The following FOXN1 variants were observed in gnomAD, a reference collection of about 807,000 sequenced individuals.
FOXN1 encodes the protein forkhead box N1, also known as forkhead box protein N1.
In FOXN1, 15 loss-of-function variants were observed where a neutral mutation model predicts 49.0. The observed-to-expected ratio is 0.31, with a 90% CI of 0.20 to 0.47. The LOEUF (loss-of-function observed/expected upper bound fraction) is 0.47, where lower values mean the gene tolerates loss of function less well. FOXN1 is among the 20% of genes least tolerant of loss of function. The pLI is 1.00. For missense variants in FOXN1, 800 were observed against 842.8 expected, an observed-to-expected ratio of 0.95 and a Z score of 0.63; for synonymous variants, 356 against 369.0, an observed-to-expected ratio of 0.96 and a Z score of 0.40.
At position 28,507,466 on chromosome 17, in the gene FOXN1, G is replaced by A. The variant is rs188295286; in HGVS notation, c.-15+1023G>A. On this transcript the variant is annotated intron_variant, in intron 1 of 8. Coordinates refer to ENST00000579795, the MANE Select transcript of FOXN1 (RefSeq NM_001369369.1). ...GTCAGTGGGAAGGGACCCGGGCGGAGGGGCTCATCTTGGGAAGTCATCCTA... is the reference window on the plus strand; with the variant it reads ...GTCAGTGGGAAGGGACCCGGGCGGAAGGGCTCATCTTGGGAAGTCATCCTA... Among the ~76,000 whole-genome samples the A allele has an allele frequency of 1.8e-3, 267 of 152,318 alleles. 2 individuals carry two copies. Among genetic ancestry groups the A allele is most frequent in the African/African-American group, 5.8e-3 (239 of 41,564 alleles).
intron 3 of FOXN1, among the ~76,000 whole-genome samples, chr17:28,525,847 C>T (rs1395928297): frequency 6.6e-6 from 1 of 152,124 alleles, no homozygotes; most frequent in Non-Finnish European, 1.5e-5. Context: ...TTTATTCTGG[C>T]CCTTTGACCA....
At chr17:28,511,004 A>T (rs2069384897) in intron 1 of FOXN1, among the ~76,000 whole-genome samples, 1 of 152,206 alleles carries the variant, frequency 6.6e-6, no homozygotes, top group Admixed American at 6.5e-5. Context: ...TTAGGTGCTG[A>T]GAGCTGCTTC....
intron 1 of FOXN1, among the ~76,000 whole-genome samples, chr17:28,520,210 G>C (rs994554788): frequency 1.3e-5 from 2 of 152,128 alleles, no homozygotes; most frequent in African/African-American, 4.8e-5. Flanking sequence ...GGGTTCTGCC[G>C]GCTACTCCAG....
intron 2 of FOXN1, 140 bp downstream of exon 2, chr17:28,524,232 AC>A: frequency 1.1e-6 from 1 of 877,522 alleles, no homozygotes; most frequent in Non-Finnish European, 1.7e-6. Flanking sequence ...GTCCTCAGGG[AC>A]CCCGAGATCC....
chr17:28,509,479 G>A (rs537086057), intron 1 of FOXN1, among the ~76,000 whole-genome samples: 8 of 152,270 alleles, frequency 5.3e-5, no homozygotes, highest in African/African-American at 1.9e-4. Context: ...AGGTTCCCTT[G>A]GAGTCTAACA....
chr17:28,531,802 A>G (rs1176526260), intron 6 of FOXN1, among the ~76,000 whole-genome samples: 1 of 152,094 alleles, frequency 6.6e-6, no homozygotes, highest in African/African-American at 2.4e-5. Flanking sequence ...TCCTGCCCCC[A>G]CCATCTATGG....
At chr17:28,515,555 C>A (rs777920865) in intron 1 of FOXN1, among the ~76,000 whole-genome samples, 4 of 151,680 alleles carry the variant, frequency 2.6e-5, no homozygotes, top group Non-Finnish European at 4.4e-5. Flanking sequence ...GTGGTACATG[C>A]TTCTACAGGG....
chr17:28,530,629 T>G, intron 5 of FOXN1, 120 bp from the exon 6 acceptor site: 2 of 723,920 alleles, frequency 2.8e-6, no homozygotes, highest in Non-Finnish European at 5.1e-6. Context: ...ATGGACACCT[T>G]CTCATTCCCT....
Position 28,535,007 on chromosome 17 carries a change from T to A in FOXN1, c.1436T>A (p.Leu479His). 1 of 1,613,830 alleles carries A rather than the reference T, an allele frequency of 6.2e-7. No homozygotes were observed. The highest frequency in any genetic ancestry group is 8.5e-7 in the Non-Finnish European group (1 of 1,179,896). The change falls in exon 8 of 9, where the codon CTT becomes CAT. Residue 479 changes from leucine (L) to histidine (H), a missense_variant. By Grantham distance (99) the Leu-to-His change is moderately conservative. Coordinates refer to ENST00000579795, the MANE Select transcript of FOXN1 (RefSeq NM_001369369.1). The part of the protein sequence containing the change: ...QPLFPQPDGH[L>H]ELRAQPGTPQ... ...TTGTTCCCACAGCCGGACGGGCACC[T>A]TGAGCTGCGGGCCCAGCCAGGCACC...
At position 28,534,647 on chromosome 17, in the gene FOXN1, C is replaced by T. The variant is rs961579777; in HGVS notation, c.1136-60C>T. On this transcript the variant is annotated intron_variant, in intron 7 of 8. Transcript: ENST00000579795. The surrounding 1 kb of genome is among the most constrained non-coding windows in gnomAD (Gnocchi z 4.1). ...CAAGGCCCCGAGTAAGGGTTCCAGT[C>T]TGGGGAAGACTGTGGAGGAGGGAGG... 1 of 1,610,748 alleles carries T rather than the reference C, an allele frequency of 6.2e-7. No homozygotes were observed. Among genetic ancestry groups the T allele is most frequent in the Non-Finnish European group, 8.5e-7 (1 of 1,178,592 alleles).
intron 5 of FOXN1, among the ~76,000 whole-genome samples, chr17:28,530,050 G>A (rs1035971572): frequency 1.3e-5 from 2 of 152,038 alleles, no homozygotes; most frequent in African/African-American, 4.8e-5. Flanking sequence ...TGGGGGCAAG[G>A]GGAGGGACAA....
At chr17:28,527,010 C>T (rs1230991261) in intron 3 of FOXN1, among the ~76,000 whole-genome samples, 3 of 152,140 alleles carry the variant, frequency 2.0e-5, no homozygotes, top group African/African-American at 4.8e-5. Flanking sequence ...AGCCCAGCCT[C>T]AGCCTCTCCC....
intron 6 of FOXN1, among the ~76,000 whole-genome samples, chr17:28,532,078 G>T (rs1465955239): frequency 1.3e-5 from 2 of 152,162 alleles, no homozygotes; most frequent in Non-Finnish European, 2.9e-5. Flanking sequence ...AGCTTTTGGA[G>T]GGTCTTCTAG....
chr17:28,534,370 C>A lies in FOXN1; in HGVS notation c.967C>A (p.Leu323Ile). ...CTGGAAGAATTCTGTCCGGCACAAC[C>A]TATCCCTCAACAAGTGCTTCGAGAA... ...DGWKNSVRHN[L>I]SLNKCFEKVE... Residue 323 changes from leucine (L) to isoleucine (I), a missense_variant, in exon 7 of 9, where the codon CTA becomes ATA. Physicochemically the swap from Leu to Ile is conservative, Grantham distance 5. This residue lies in a region of FOXN1 where 73 missense variants were observed against 118.9 expected (regional missense o/e 0.61). Transcript: ENST00000579795. This position sits in a 1 kb window ranked among gnomAD's most constrained non-coding sequence, Gnocchi z 4.1. 1 of 1,614,184 alleles carries A rather than the reference C, an allele frequency of 6.2e-7. No homozygotes were observed. The highest frequency in any genetic ancestry group is 8.5e-7 in the Non-Finnish European group (1 of 1,180,010).
chr17:28,534,200 G>A lies in FOXN1; in HGVS notation c.928-131G>A. 1 of 1,343,364 alleles carries A rather than the reference G, an allele frequency of 7.4e-7. No individual in the cohort carries two copies. Among genetic ancestry groups the A allele is most frequent in the Non-Finnish European group, 1.0e-6 (1 of 956,242 alleles). 83.2% of individuals were successfully genotyped at this position (1,343,364 alleles called of 1,614,324 possible). On this transcript the variant is annotated intron_variant, in intron 6 of 8. Transcript: ENST00000579795. This position sits in a 1 kb window ranked among gnomAD's most constrained non-coding sequence, Gnocchi z 4.1. ...CAAGCAAGGGATGGGTGCTGAGGAG[G>A]ACAACAAGCCCCAGAGTGGGCGGCA...
chr17:28,533,203 A>T (rs1472431001), intron 6 of FOXN1, among the ~76,000 whole-genome samples: 2 of 152,116 alleles, frequency 1.3e-5, no homozygotes, highest in Non-Finnish European at 2.9e-5. Flanking sequence ...ATTAAGCAGA[A>T]ACTTTGGGCT....
chr17:28,538,615 G>A lies in FOXN1; in HGVS notation c.*1179G>A, dbSNP rs1200318965. On this transcript the variant is annotated 3_prime_UTR_variant, in exon 9 of 9. Coordinates refer to ENST00000579795, the MANE Select transcript of FOXN1 (RefSeq NM_001369369.1). The stretch of plus-strand genomic sequence containing the variant: ...GCATTCAGGAGAAAAGCCTGGCACA[G>A]GGTGACAGGGAAGCACCCATGCAAA... The A allele has an allele frequency of 1.3e-5, 2 of 152,248 alleles. No individual in the cohort carries two copies. The highest frequency in any genetic ancestry group is 6.5e-5 in the Admixed American group (1 of 15,284). 9.4% of individuals were successfully genotyped at this position (152,248 alleles called of 1,614,324 possible).
chr17:28,513,314 CA>C (rs1187247546), intron 1 of FOXN1, among the ~76,000 whole-genome samples: 2 of 152,252 alleles, frequency 1.3e-5, no homozygotes, highest in Admixed American at 1.3e-4. Context: ...ACGGGTAGGT[CA>C]AGGACATCCA....
At chr17:28,533,734 T>A (rs1265341786) in intron 6 of FOXN1, among the ~76,000 whole-genome samples, 1 of 152,140 alleles carries the variant, frequency 6.6e-6, no homozygotes, top group East Asian at 1.9e-4. Flanking sequence ...GCACTGTCCC[T>A]TCATATACCA....
Sources: allele counts gnomAD v4.1 joint callset (sites outside exome capture counted in the v4.1 genomes callset), GRCh38; gene constraint gnomAD v4.1.1; regional missense constraint gnomAD v4.1.1; non-coding constraint Gnocchi (gnomAD v3.1); transcripts MANE v1.5; gene names NCBI Gene and HGNC (gene_info 2026-07-23, HGNC 2026-07-21).